Variants in HK1 observed in about 807,000 individuals in gnomAD.
HK1 encodes hexokinase-1.
In HK1, 28 loss-of-function variants were observed where a neutral mutation model predicts 91.6. That is an observed-to-expected ratio of 0.31 (90% CI 0.23 to 0.42). The LOEUF (loss-of-function observed/expected upper bound fraction) is 0.42, where lower values mean the gene tolerates loss of function less well. Ranked by LOEUF, HK1 falls within the 10% of genes least tolerant of loss-of-function variation. The pLI is 1.00. For missense variants in HK1, 770 were observed against 1,219.8 expected (o/e 0.63, Z 5.49); for synonymous variants, 430 against 468.1 (o/e 0.92, Z 1.05).
chr10:69,318,779 C>A, upstream of HK1: 1 of 1,312,290 alleles, frequency 7.6e-7, no homozygotes, highest in Non-Finnish European at 9.9e-7. Context: ...GACGGGAGCG[C>A]GGAGACCGGG....
chr10:69,333,183 A>G (rs1428629767), intron 1 of HK1, among the ~76,000 whole-genome samples: 1 of 152,238 alleles, frequency 6.6e-6, no homozygotes, highest in Non-Finnish European at 1.5e-5. Context: ...GGCAGTGCCC[A>G]TGGCCGAGGC....
intron 1 of HK1, among the ~76,000 whole-genome samples, chr10:69,333,838 C>T (rs1049669797): frequency 8.6e-5 from 13 of 151,994 alleles, no homozygotes; most frequent in Non-Finnish European, 1.3e-4. Flanking sequence ...CCTGGCTGGG[C>T]GCAGTGGCTC....
At chr10:69,389,373 C>A in intron 14 of HK1, 77 bp downstream of exon 14, 1 of 969,352 alleles carries the variant, frequency 1.0e-6, no homozygotes, top group Non-Finnish European at 1.6e-6. Context: ...CTTGGCCCAG[C>A]AGCTTGGTCC....
chr10:69,337,913 G>A (rs74654076), intron 1 of HK1: 10,252 of 153,376 alleles, frequency 0.067, 439 homozygotes, highest in African/African-American at 0.12. Context: ...TGTTCACTTG[G>A]GCATGTCCAA....
chr10:69,378,866 G>T (rs926030164), intron 8 of HK1, among the ~76,000 whole-genome samples: 13 of 151,772 alleles, frequency 8.6e-5, no homozygotes, highest in African/African-American at 3.2e-4. Flanking sequence ...TCCTTTTTTG[G>T]TCTTTATGAA....
chr10:69,395,131 A>G (rs1237115458), intron 16 of HK1, 26 bp downstream of exon 16: 1 of 1,611,174 alleles, frequency 6.2e-7, no homozygotes, highest in Non-Finnish European at 8.5e-7. Context: ...CTTCCCTGCC[A>G]GCGCCCACCC....
intron 1 of HK1, among the ~76,000 whole-genome samples, chr10:69,328,324 A>G (rs1847498499): frequency 6.6e-6 from 1 of 152,218 alleles, no homozygotes; most frequent in Non-Finnish European, 1.5e-5. Context: ...TACAGGCTCC[A>G]GACTCGGAGA....
At chr10:69,376,894 A>G (rs1484107805) in intron 7 of HK1, 40 bp from the exon 8 acceptor site, 1 of 1,612,508 alleles carries the variant, frequency 6.2e-7, no homozygotes, top group Non-Finnish European at 8.5e-7. Flanking sequence ...TGTGGGGCGC[A>G]GAGGAAGGCT....
intron 10 of HK1, 105 bp from the exon 11 acceptor site, chr10:69,384,228 G>A (rs1839525136): frequency 2.2e-6 from 3 of 1,368,232 alleles, no homozygotes; most frequent in Non-Finnish European, 3.1e-6. Context: ...TCTCCTCTAT[G>A]TTTGCTATGG....
chr10:69,396,139 G>C (rs1436697255), intron 16 of HK1, among the ~76,000 whole-genome samples: 1 of 151,956 alleles, frequency 6.6e-6, no homozygotes, highest in African/African-American at 2.4e-5. Flanking sequence ...GGGCGTGGTG[G>C]CACATTCCTG....
chr10:69,303,488 A>G (rs1226522644), intron 5 of HK1, among the ~76,000 whole-genome samples: 1 of 152,094 alleles, frequency 6.6e-6, no homozygotes, highest in Non-Finnish European at 1.5e-5. Flanking sequence ...CAGTTTCCCC[A>G]GGACTATTTC....
chr10:69,356,441 A>G (rs1033140493), intron 2 of HK1, among the ~76,000 whole-genome samples: 3 of 152,102 alleles, frequency 2.0e-5, no homozygotes, highest in African/African-American at 7.2e-5. Flanking sequence ...CAAACACAAC[A>G]ACAACAAACA....
intron 5 of HK1, among the ~76,000 whole-genome samples, chr10:69,308,237 G>A (rs1846195541): frequency 6.6e-6 from 1 of 152,120 alleles, no homozygotes; most frequent in African/African-American, 2.4e-5. Context: ...TGTGTGTGTG[G>A]GGATGGTTTC....
At chr10:69,389,497 G>C in intron 14 of HK1, 1 of 643,700 alleles carries the variant, frequency 1.6e-6, no homozygotes, top group Non-Finnish European at 2.9e-6. Flanking sequence ...CCTTTCTTAA[G>C]ACACCCATAA....
intron 3 of HK1, among the ~76,000 whole-genome samples, chr10:69,291,312 G>A (rs1313440031): frequency 6.6e-6 from 1 of 152,246 alleles, no homozygotes; most frequent in African/African-American, 2.4e-5. Context: ...AGGAGCACAG[G>A]TTCTGGGATC....
intron 2 of HK1, among the ~76,000 whole-genome samples, chr10:69,351,152 G>A (rs1014365407): frequency 1.3e-5 from 2 of 151,016 alleles, no homozygotes; most frequent in African/African-American, 4.9e-5. Flanking sequence ...TCCAGCCTGG[G>A]CGACAGAGCG....
At chr10:69,334,332 G>A (rs1223676267) in intron 1 of HK1, among the ~76,000 whole-genome samples, 2 of 152,136 alleles carry the variant, frequency 1.3e-5, no homozygotes, top group East Asian at 3.9e-4. Flanking sequence ...GAGGAGCCCT[G>A]CGGTGGAATT....
chr10:69,350,437 CG>C (rs1564532423), intron 2 of HK1, among the ~76,000 whole-genome samples: 2 of 152,174 alleles, frequency 1.3e-5, no homozygotes, highest in East Asian at 3.9e-4. Context: ...CCGAGGTGGG[CG>C]GATCACAAGG....
intron 2 of HK1, among the ~76,000 whole-genome samples, chr10:69,346,194 A>G (rs1848551100): frequency 6.6e-6 from 1 of 152,218 alleles, no homozygotes; most frequent in Non-Finnish European, 1.5e-5. Context: ...TAGTAAATCC[A>G]TAGTGCTGTT....
Sources: gnomAD v4.1 joint callset for allele counts (sites outside exome capture counted in the v4.1 genomes callset) on GRCh38, gnomAD v4.1.1 for gene constraint, MANE v1.5 for transcripts, NCBI Gene and HGNC (gene_info 2026-07-23, HGNC 2026-07-21) for gene names.